Variants in IL17B observed in about 807,000 individuals in gnomAD.
IL17B encodes interleukin 17B.
In IL17B, 14 loss-of-function variants were observed where a neutral mutation model predicts 14.7. The observed-to-expected ratio is 0.95, with a 90% CI of 0.63 to 1.49. The LOEUF (loss-of-function observed/expected upper bound fraction) is 1.49. IL17B is among the 40% of genes most tolerant of loss of function. IL17B has a pLI of 0.00. For synonymous variants in IL17B, 105 were observed against 94.8 expected (o/e 1.11, Z -0.62); for missense variants, 233 against 252.8 (o/e 0.92, Z 0.53).
At chr5:149,390,628 C>CAG (rs1253315663) in intron 1 of IL17B, among the ~76,000 whole-genome samples, 60 of 137,700 alleles carry the variant, frequency 4.4e-4, no homozygotes, top group African/African-American at 1.5e-3. Context: ...CACACACACA[C>CAG]ACAGAGATAC....
chr5:149,394,306 G>A (rs1442860906), intron 1 of IL17B, among the ~76,000 whole-genome samples: 1 of 152,212 alleles, frequency 6.6e-6, no homozygotes, highest in African/African-American at 2.4e-5. Flanking sequence ...GAAATACCAT[G>A]ACAGACAATC....
chr5:149,401,683 A>G (rs1279372300), intron 1 of IL17B, among the ~76,000 whole-genome samples: 7 of 152,194 alleles, frequency 4.6e-5, no homozygotes, highest in Admixed American at 3.9e-4. Flanking sequence ...TGAACCCAGG[A>G]GGCGGAAGTT....
At chr5:149,386,263 C>T (rs1561714673) in intron 1 of IL17B, among the ~76,000 whole-genome samples, 1 of 152,196 alleles carries the variant, frequency 6.6e-6, no homozygotes, top group Non-Finnish European at 1.5e-5. Context: ...ACAGATGCGG[C>T]TCTCAGCACC....
intron 1 of IL17B, among the ~76,000 whole-genome samples, chr5:149,400,847 C>A (rs939526393): frequency 6.6e-6 from 1 of 152,180 alleles, no homozygotes; most frequent in Non-Finnish European, 1.5e-5. Flanking sequence ...GAACCAGGAG[C>A]TCTGATGTCT....
intron 1 of IL17B, among the ~76,000 whole-genome samples, chr5:149,397,162 T>C (rs192628570): frequency 6.6e-6 from 1 of 152,336 alleles, no homozygotes; most frequent in Admixed American, 6.5e-5. Context: ...CAATAACAAC[T>C]CATTTTTAAT....
chr5:149,397,021 A>T (rs942290798), intron 1 of IL17B, among the ~76,000 whole-genome samples: 3 of 152,090 alleles, frequency 2.0e-5, no homozygotes, highest in Admixed American at 2.0e-4. Context: ...CACTTCTTTG[A>T]TATTTGAAAT....
upstream of IL17B, among the ~76,000 whole-genome samples, chr5:149,383,561 C>T (rs1318141742): frequency 6.6e-6 from 1 of 152,188 alleles, no homozygotes; most frequent in Non-Finnish European, 1.5e-5. Context: ...CCTCCCCTCC[C>T]TCCCTGGTAG....
At chr5:149,398,523 C>A (rs1224427570) in intron 1 of IL17B, among the ~76,000 whole-genome samples, 1 of 152,322 alleles carries the variant, frequency 6.6e-6, no homozygotes, top group South Asian at 2.1e-4. Flanking sequence ...TGGAGGAGGG[C>A]AGACCCAGGC....
chr5:149,396,053 CT>C (rs1314407128), intron 1 of IL17B, among the ~76,000 whole-genome samples: 1 of 152,186 alleles, frequency 6.6e-6, no homozygotes, highest in African/African-American at 2.4e-5. Flanking sequence ...GGCCAATCCA[CT>C]CATCTGAATT....
intron 1 of IL17B, among the ~76,000 whole-genome samples, chr5:149,402,199 C>T (rs937186767): frequency 1.3e-5 from 2 of 152,148 alleles, no homozygotes; most frequent in African/African-American, 4.8e-5. Flanking sequence ...CATGAATAAC[C>T]GAGCAGGAGC....
At chr5:149,398,496 C>T (rs1011936719) in intron 1 of IL17B, among the ~76,000 whole-genome samples, 10 of 152,178 alleles carry the variant, frequency 6.6e-5, no homozygotes, top group Non-Finnish European at 1.0e-4. Flanking sequence ...CAGACACAGC[C>T]CTTACAGAGC....
At chr5:149,383,809 G>A (rs771318345), upstream of IL17B, among the ~76,000 whole-genome samples, 4 of 152,224 alleles carry the variant, frequency 2.6e-5, no homozygotes, top group South Asian at 2.1e-4. Flanking sequence ...AGGTGCCAGC[G>A]TCTCCTCCCC....
chr5:149,387,542 G>C (rs1758849842), intron 1 of IL17B, among the ~76,000 whole-genome samples: 1 of 152,204 alleles, frequency 6.6e-6, no homozygotes, highest in Non-Finnish European at 1.5e-5. Flanking sequence ...GCCGAGGCAG[G>C]AGAATTGCTT....
At chr5:149,382,954 G>A (rs576705485), upstream of IL17B, among the ~76,000 whole-genome samples, 42 of 152,322 alleles carry the variant, frequency 2.8e-4, no homozygotes, top group African/African-American at 9.4e-4. Context: ...AGAGGAGGAG[G>A]CCAGAGCAGA....
At chr5:149,395,531 C>T (rs971521767) in intron 1 of IL17B, among the ~76,000 whole-genome samples, 2 of 152,208 alleles carry the variant, frequency 1.3e-5, no homozygotes, top group African/African-American at 4.8e-5. Context: ...CTACTGTGCA[C>T]ATAATTACTT....
chr5:149,377,182 CCT>C lies in IL17B; in HGVS notation c.22-159_22-158del, dbSNP rs370858481. 2.9e-3 allele frequency among the ~76,000 whole-genome samples: 449 copies of C among 152,276 alleles called. 1 individual carries two copies. Among genetic ancestry groups the C allele is most frequent in the African/African-American group, 9.9e-3 (412 of 41,560 alleles). On this transcript the variant is annotated intron_variant, in intron 1 of 2. Transcript: ENST00000261796. The stretch of plus-strand genomic sequence containing the variant: ...CCAGCTCTCCCTCCTCAGATTACCC[CCT>C]GTTTCCTCTCTCTTGTGTGTTCCAG...
chr5:149,398,855 T>A (rs906488858), intron 1 of IL17B, among the ~76,000 whole-genome samples: 7 of 152,198 alleles, frequency 4.6e-5, no homozygotes, highest in African/African-American at 1.7e-4. Flanking sequence ...GCAGCCCAGA[T>A]GTCACCACTG....
rs1758546819 is a variant in IL17B at position 149,376,681 on chromosome 5, G to A, written c.311+55C>T. On this transcript the variant is annotated intron_variant, in intron 2 of 2. Coordinates refer to ENST00000261796, the MANE Select transcript of IL17B (RefSeq NM_014443.3). ...GATCTTAACCATTACAATGACTGGG[G>A]CACAGGAAAGGTCCCCACCCCCCAA... 5 of 1,542,140 alleles carry A rather than the reference G, an allele frequency of 3.2e-6. No homozygotes were observed. The East Asian group carries it at 6.8e-5, about 21-fold the overall frequency.
At chr5:149,375,704 T>C (rs1356986428) in intron 2 of IL17B, among the ~76,000 whole-genome samples, 1 of 151,764 alleles carries the variant, frequency 6.6e-6, no homozygotes, top group African/African-American at 2.4e-5. Context: ...CTGGGCAACA[T>C]AGTGAGATCC....
Sources: gnomAD v4.1 joint callset for allele counts (sites outside exome capture counted in the v4.1 genomes callset) on GRCh38, gnomAD v4.1.1 for gene constraint, MANE v1.5 for transcripts, NCBI Gene and HGNC (gene_info 2026-07-23, HGNC 2026-07-21) for gene names.